Variants in CYSLTR2 observed in about 807,000 individuals in gnomAD.
The protein encoded by CYSLTR2 is cysteinyl leukotriene receptor 2.
For missense variants in CYSLTR2, 398 were observed against 411.9 expected, an observed-to-expected ratio of 0.97 and a Z score of 0.29; for synonymous variants, 179 against 160.8, an observed-to-expected ratio of 1.11 and a Z score of -0.86.
At chr13:48,670,490 G>T (rs1420777223) in intron 1 of CYSLTR2, among the ~76,000 whole-genome samples, 2 of 152,088 alleles carry the variant, frequency 1.3e-5, no homozygotes, top group Non-Finnish European at 2.9e-5. Context: ...TCAGTTTTCT[G>T]CATATGGCTA....
Position 48,707,869 on chromosome 13 carries a change from G to A in CYSLTR2, c.*11G>A. The A allele has an allele frequency of 6.6e-7, 1 of 1,509,968 alleles. No homozygotes were observed. The highest frequency in any genetic ancestry group is 1.4e-5 in the African/African-American group (1 of 71,672). 93.5% of individuals were successfully genotyped at this position (1,509,968 alleles called of 1,614,324 possible). A position where few individuals can be genotyped will look rare whatever the true frequency, so the allele number is the denominator to read the frequency against. ...GAAACAAGAGTATAAGGAGCTCTTA[G>A]ATGAGACCTGTTCTTGTATCCTTGT... On this transcript the variant is annotated 3_prime_UTR_variant, in exon 5 of 5. Transcript: ENST00000682523.
intron 1 of CYSLTR2, among the ~76,000 whole-genome samples, chr13:48,689,530 T>C (rs559298818): frequency 6.6e-6 from 1 of 152,338 alleles, no homozygotes; most frequent in African/African-American, 2.4e-5. Flanking sequence ...CCATTGCTTG[T>C]TTTTGTCAAG....
intron 1 of CYSLTR2, among the ~76,000 whole-genome samples, chr13:48,672,621 T>C (rs200220284): frequency 2.6e-4 from 25 of 96,858 alleles, no homozygotes; most frequent in East Asian, 9.5e-4. Context: ...CTTTTCTTTT[T>C]TTTTTTTTTT....
intron 1 of CYSLTR2, among the ~76,000 whole-genome samples, chr13:48,673,199 G>A (rs1953490635): frequency 6.6e-6 from 1 of 152,148 alleles, no homozygotes; most frequent in Admixed American, 6.5e-5. Flanking sequence ...AATATTGACA[G>A]TGGGGTGTTA....
chr13:48,706,042 G>A (rs529365179), intron 4 of CYSLTR2, among the ~76,000 whole-genome samples: 2 of 143,918 alleles, frequency 1.4e-5, no homozygotes, highest in African/African-American at 5.1e-5. Flanking sequence ...TGTTGCCCCA[G>A]CTGGAGTGCA....
intron 1 of CYSLTR2, among the ~76,000 whole-genome samples, chr13:48,672,864 C>CCTCCCAAAGTA (rs1566087064): frequency 6.6e-6 from 1 of 152,082 alleles, no homozygotes; most frequent in Non-Finnish European, 1.5e-5. Context: ...GATCTGCCTG[C>CCTCCCAAAGTA]CTTGGCCTCC....
At chr13:48,694,065 C>G (rs1237681401) in intron 3 of CYSLTR2, among the ~76,000 whole-genome samples, 1 of 152,154 alleles carries the variant, frequency 6.6e-6, no homozygotes, top group African/African-American at 2.4e-5. Flanking sequence ...GAGTGGAGCC[C>G]ATCAGAGATG....
chr13:48,707,819 C>T lies in CYSLTR2; in HGVS notation c.1002C>T (p.Phe334=). 1 of 1,543,566 alleles carries T rather than the reference C, an allele frequency of 6.5e-7. No homozygotes were observed. The highest frequency in any genetic ancestry group is 1.3e-5 in the South Asian group (1 of 78,462). ...AGAAGGCAAAGACAAAGTGTGTTTTCCCTGTTAGTGTGTGGTTGAGAAAGG... is the reference window on the plus strand; with the variant it reads ...AGAAGGCAAAGACAAAGTGTGTTTTTCCTGTTAGTGTGTGGTTGAGAAAGG... The part of the protein sequence containing the change: ...HPQKAKTKCV[F]PVSVWLRKET... The change falls in exon 5 of 5, where the codon TTC becomes TTT. Residue 334 remains phenylalanine (F), a synonymous_variant. Coordinates refer to ENST00000682523, the MANE Select transcript of CYSLTR2 (RefSeq NM_001308476.3).
chr13:48,696,002 C>T (rs7981283), intron 3 of CYSLTR2, among the ~76,000 whole-genome samples: 31,666 of 152,062 alleles, frequency 0.21, 4,077 homozygotes, highest in East Asian at 0.34. Context: ...CCAGAATGAC[C>T]GTATCATTTT....
intron 4 of CYSLTR2, among the ~76,000 whole-genome samples, chr13:48,700,012 T>C (rs1005869289): frequency 1.3e-5 from 2 of 152,168 alleles, no homozygotes; most frequent in Non-Finnish European, 2.9e-5. Flanking sequence ...GGTTCTGAAA[T>C]TGAGGGAATA....
chr13:48,661,030 C>G lies in CYSLTR2; in HGVS notation c.-266+7013C>G, dbSNP rs146501236. The stretch of plus-strand genomic sequence containing the variant: ...CCTAAGTGCCATTCATGTATTATCT[C>G]ACTTCATCCTTACAACCCTATGAAG... On this transcript the variant is annotated intron_variant, in intron 1 of 4. Transcript: ENST00000682523. Among the ~76,000 whole-genome samples the G allele has an allele frequency of 3.2e-3, 492 of 152,306 alleles. 4 individuals carry two copies. The highest frequency in any genetic ancestry group is 0.011 in the African/African-American group (477 of 41,566).
intron 1 of CYSLTR2, among the ~76,000 whole-genome samples, chr13:48,664,078 G>A (rs1953198113): frequency 6.6e-6 from 1 of 151,920 alleles, no homozygotes; most frequent in African/African-American, 2.4e-5. Flanking sequence ...CATCTATTGA[G>A]GATCATATGG....
intron 1 of CYSLTR2, among the ~76,000 whole-genome samples, chr13:48,681,809 G>A (rs1953763340): frequency 6.6e-6 from 1 of 152,200 alleles, no homozygotes; most frequent in Non-Finnish European, 1.5e-5. Context: ...TTGATCTTGA[G>A]ATGGAACAAG....
intron 1 of CYSLTR2, among the ~76,000 whole-genome samples, chr13:48,686,319 G>A (rs1010151161): frequency 2.0e-5 from 3 of 152,264 alleles, no homozygotes; most frequent in Middle Eastern, 6.8e-3. Flanking sequence ...AAGGCCATTA[G>A]AGACATGGCT....
intron 1 of CYSLTR2, among the ~76,000 whole-genome samples, chr13:48,673,296 G>A (rs1191977798): frequency 6.6e-6 from 1 of 152,034 alleles, no homozygotes; most frequent in Non-Finnish European, 1.5e-5. Context: ...CTCCTGTATT[G>A]GGTGCATATA....
chr13:48,657,324 A>G (rs1229787821), intron 1 of CYSLTR2, among the ~76,000 whole-genome samples: 2 of 152,236 alleles, frequency 1.3e-5, no homozygotes, highest in Non-Finnish European at 2.9e-5. Context: ...ATAAGGGTCT[A>G]AGCAGTGAGT....
chr13:48,707,786 C>A lies in CYSLTR2; in HGVS notation c.969C>A (p.Gly323=). Residue 323 remains glycine (G), a synonymous_variant, in exon 5 of 5, where the codon GGC becomes GGA. Coordinates refer to ENST00000682523, the MANE Select transcript of CYSLTR2 (RefSeq NM_001308476.3). The part of the protein sequence containing the change: ...KDRLKSALRK[G]HPQKAKTKCV... ...GACTAAAGTCTGCACTCAGAAAAGG[C>A]CATCCACAGAAGGCAAAGACAAAGT... is the stretch of plus-strand genomic sequence containing the variant. 6.4e-7 allele frequency: 1 copy of A among 1,570,122 alleles called. No individual in the cohort carries two copies. The highest frequency in any genetic ancestry group is 8.6e-7 in the Non-Finnish European group (1 of 1,158,872).
chr13:48,666,305 C>G (rs1278260637), intron 1 of CYSLTR2, among the ~76,000 whole-genome samples: 1 of 151,948 alleles, frequency 6.6e-6, no homozygotes, highest in East Asian at 1.9e-4. Flanking sequence ...TGGCTTGATG[C>G]TCTTCTCTTG....
At chr13:48,680,701 A>G (rs1302602609) in intron 1 of CYSLTR2, among the ~76,000 whole-genome samples, 1 of 149,846 alleles carries the variant, frequency 6.7e-6, no homozygotes, top group African/African-American at 2.5e-5. Context: ...GTCTTCATAT[A>G]TTTCTCAGCT....
Sources: gnomAD v4.1 joint callset for allele counts (sites outside exome capture counted in the v4.1 genomes callset) on GRCh38, gnomAD v4.1.1 for gene constraint, MANE v1.5 for transcripts, NCBI Gene and HGNC (gene_info 2026-07-23, HGNC 2026-07-21) for gene names.